Variants in HSPA4L observed in about 807,000 individuals in gnomAD.
HSPA4L encodes the protein heat shock 70 kDa protein 4L.
In HSPA4L, 48 loss-of-function variants were observed where a neutral mutation model predicts 100.3. That is an observed-to-expected ratio of 0.48 (90% CI 0.38 to 0.61). The LOEUF (loss-of-function observed/expected upper bound fraction) is 0.61. Ranked by LOEUF, HSPA4L falls within the 20% of genes least tolerant of loss-of-function variation. The pLI, the probability that HSPA4L is intolerant of heterozygous loss-of-function variation, is 0.00. For synonymous variants in HSPA4L, 319 were observed against 328.2 expected, an observed-to-expected ratio of 0.97 and a Z score of 0.30; for missense variants, 886 against 988.6, an observed-to-expected ratio of 0.90 and a Z score of 1.39.
rs1734126660 is a variant in HSPA4L at position 127,833,031 on chromosome 4, T to G, written c.*157T>G. The G allele has an allele frequency of 4.2e-6, 2 of 480,726 alleles. No homozygotes were observed. Among genetic ancestry groups the G allele is most frequent in the East Asian group, 6.4e-5 (2 of 31,044 alleles). The allele number at this position is 480,726 out of a possible 1,614,324, so 29.8% of individuals were successfully genotyped here. A position where few individuals can be genotyped will look rare whatever the true frequency, so the allele number is the denominator to read the frequency against. ...GAAAAGTGTTTTATATTGAGTGCAC[T>G]TCTGTTCATTTCCATTGCTGCTTAT... On this transcript the variant is annotated 3_prime_UTR_variant, in exon 19 of 19. Transcript: ENST00000296464.
rs762559566 is a variant in HSPA4L, at chr4:127,804,008, C to G, written c.909-3C>G. On this transcript the variant is annotated splice_region_variant and splice_polypyrimidine_tract_variant and intron_variant, in intron 7 of 18. Coordinates refer to ENST00000296464, the MANE Select transcript of HSPA4L (RefSeq NM_014278.4). ...TAATGAATTTTATTCTATTTTCTCA[C>G]AGGGCTCAATTTGAACAACTGTGTG... is the stretch of plus-strand genomic sequence containing the variant. The G allele has an allele frequency of 6.2e-7, 1 of 1,613,826 alleles. No individual in the cohort carries two copies. Among genetic ancestry groups the G allele is most frequent in the African/African-American group, 1.3e-5 (1 of 75,024 alleles).
intron 18 of HSPA4L, among the ~76,000 whole-genome samples, chr4:127,831,501 T>TA (rs770152039): frequency 0.058 from 5,953 of 103,326 alleles, 255 homozygotes; most frequent in African/African-American, 0.12. Context: ...CCTTGTCTAT[T>TA]AAAAAAAAAA....
In HSPA4L at chr4:127,820,527, C is replaced by T; in HGVS notation, c.1774C>T (p.Leu592=). ...LPIQSSLCRQ[L]GQDLLNSYIE... is the part of the protein sequence containing the mutation. ...GATCCAGAGTAGCCTATGTAGACAA[C>T]TAGGCCAAGATCTTCTCAACAGCTA... Residue 592 remains leucine (L), a synonymous_variant, in exon 14 of 19, where the codon CTA becomes TTA. Transcript: ENST00000296464. The T allele has an allele frequency of 1.2e-6, 2 of 1,600,906 alleles. No homozygotes were observed. The highest frequency in any genetic ancestry group is 1.7e-5 in the Admixed American group (1 of 57,596).
rs1056080918 is a variant in HSPA4L at position 127,838,513 on chromosome 4, T to C, written c.*5639T>C. On this transcript the variant is annotated 3_prime_UTR_variant, in exon 19 of 19. Transcript: ENST00000296464. Reference sequence around the variant, plus strand: ...ACAAATCCATAACAAAAAAAATTAATAGTATGCTCTTTGCTTTGGAATCTC... The same window carrying C: ...ACAAATCCATAACAAAAAAAATTAACAGTATGCTCTTTGCTTTGGAATCTC... 2.0e-5 allele frequency: 3 copies of C among 152,216 alleles called. No individual in the cohort carries two copies. The highest frequency in any genetic ancestry group is 1.3e-4 in the Admixed American group (2 of 15,284). The allele number at this position is 152,216 out of a possible 1,614,324, so 9.4% of individuals were successfully genotyped here.
intron 6 of HSPA4L, 117 bp from the exon 7 acceptor site, chr4:127,803,512 G>A: frequency 1.0e-6 from 1 of 993,232 alleles, no homozygotes. Context: ...CCTGTGATTG[G>A]ACAAGTTTTT....
intron 17 of HSPA4L, among the ~76,000 whole-genome samples, chr4:127,829,005 G>C (rs1333276423): frequency 6.6e-6 from 1 of 152,038 alleles, no homozygotes; most frequent in Non-Finnish European, 1.5e-5. Flanking sequence ...TGCTTCAATA[G>C]TGAAAGGTGG....
At chr4:127,793,890 T>C in intron 1 of HSPA4L, among the ~76,000 whole-genome samples, 187 bp from the exon 2 acceptor site, 1 of 151,420 alleles carries the variant, frequency 6.6e-6, no homozygotes, top group Non-Finnish European at 1.5e-5. Flanking sequence ...ATTGTAACAT[T>C]TATTCTGACC....
intron 1 of HSPA4L, among the ~76,000 whole-genome samples, chr4:127,791,880 G>T (rs1732886420): frequency 6.6e-6 from 1 of 152,012 alleles, no homozygotes; most frequent in African/African-American, 2.4e-5. Flanking sequence ...ACTTTCTTTT[G>T]TGTGAGTCTA....
intron 12 of HSPA4L, among the ~76,000 whole-genome samples, chr4:127,814,723 C>G (rs910382178): frequency 1.3e-5 from 2 of 152,076 alleles, no homozygotes; most frequent in Admixed American, 6.6e-5. Context: ...TACGCCACCA[C>G]GCCTGGCAGA....
chr4:127,801,375 G>C lies in HSPA4L; in HGVS notation c.529+138G>C, dbSNP rs1733172569. ...GCCTGGGAGTTGAAAGCTGCAGTGA[G>C]CTATGATCATACCACTGCACTTCAG... On this transcript the variant is annotated intron_variant, in intron 5 of 18. Transcript: ENST00000296464. 4 of 638,202 alleles carry C rather than the reference G, an allele frequency of 6.3e-6. No individual in the cohort carries two copies. The Admixed American group carries it at 1.2e-4, about 20-fold the overall frequency. 39.5% of individuals were successfully genotyped at this position (638,202 alleles called of 1,614,324 possible).
Position 127,830,807 on chromosome 4 carries a change from G to A in HSPA4L, c.2328+8G>A. ...ATAGTAGCAAAGTCAAAGGTAAGAA[G>A]TTTATGAAATTGCCTTTTTAATGGT... On this transcript the variant is annotated splice_region_variant and intron_variant, in intron 18 of 18. Transcript: ENST00000296464. 1 of 1,528,100 alleles carries A rather than the reference G, an allele frequency of 6.5e-7. No homozygotes were observed. Among genetic ancestry groups the A allele is most frequent in the South Asian group, 1.3e-5 (1 of 76,156 alleles). The allele number at this position is 1,528,100 out of a possible 1,614,324, so 94.7% of individuals were successfully genotyped here.
In HSPA4L at chr4:127,835,040, T is replaced by TAATTC; in HGVS notation, c.*2168_*2172dup. On this transcript the variant is annotated 3_prime_UTR_variant, in exon 19 of 19. Transcript: ENST00000296464. ...TAGCCTTATAATGTATTTATTTATT[T>TAATTC]AATTCATTAATGAAAGAGAGTGCTC... 1 of 152,316 alleles carries TAATTC rather than the reference T, an allele frequency of 6.6e-6. No individual in the cohort carries two copies. Among genetic ancestry groups the TAATTC allele is most frequent in the East Asian group, 1.9e-4 (1 of 5,188 alleles). 9.4% of individuals were successfully genotyped at this position (152,316 alleles called of 1,614,324 possible). A position where few individuals can be genotyped will look rare whatever the true frequency, so the allele number is the denominator to read the frequency against.
intron 9 of HSPA4L, 141 bp downstream of exon 9, chr4:127,805,365 TTA>T (rs1259405564): frequency 1.6e-6 from 1 of 637,004 alleles, no homozygotes; most frequent in African/African-American, 1.8e-5. Flanking sequence ...TAAATAAGTC[TTA>T]TGTCTTTCCC....
chr4:127,785,380 G>T (rs1578685022), intron 1 of HSPA4L, among the ~76,000 whole-genome samples: 1 of 152,054 alleles, frequency 6.6e-6, no homozygotes, highest in East Asian at 1.9e-4. Flanking sequence ...ATGGTTTTCT[G>T]TGTGTGTTTT....
Position 127,838,193 on chromosome 4 carries a change from A to G in HSPA4L, c.*5319A>G, listed in dbSNP as rs967501062. ...CATTACAATTTTTTTTCTAAATTCA[A>G]AGGTAATTATTCTAAACAATAAAAG... is the stretch of plus-strand genomic sequence containing the variant. On this transcript the variant is annotated 3_prime_UTR_variant, in exon 19 of 19. Coordinates refer to ENST00000296464, the MANE Select transcript of HSPA4L (RefSeq NM_014278.4). The G allele has an allele frequency of 6.6e-6, 1 of 152,200 alleles. No homozygotes were observed. Among genetic ancestry groups the G allele is most frequent in the Non-Finnish European group, 1.5e-5 (1 of 68,038 alleles). 9.4% of individuals were successfully genotyped at this position (152,200 alleles called of 1,614,324 possible). A position where few individuals can be genotyped will look rare whatever the true frequency, so the allele number is the denominator to read the frequency against.
chr4:127,796,753 G>A (rs575324316), intron 3 of HSPA4L, among the ~76,000 whole-genome samples: 3 of 152,262 alleles, frequency 2.0e-5, no homozygotes, highest in Non-Finnish European at 2.9e-5. Context: ...TATATAGAAT[G>A]TTCAGAGTAG....
At chr4:127,784,573 G>A (rs1334949206) in intron 1 of HSPA4L, among the ~76,000 whole-genome samples, 1 of 152,212 alleles carries the variant, frequency 6.6e-6, no homozygotes, top group East Asian at 1.9e-4. Context: ...AAAGTGAAAG[G>A]ATATTCTCAC....
intron 1 of HSPA4L, among the ~76,000 whole-genome samples, chr4:127,793,824 A>G (rs560043217): frequency 6.8e-4 from 103 of 152,292 alleles, no homozygotes; most frequent in Non-Finnish European, 1.3e-3. Context: ...GTGTAATTTG[A>G]AAAACAATTT....
intron 13 of HSPA4L, 86 bp from the exon 14 acceptor site, chr4:127,820,342 T>C: frequency 9.0e-7 from 1 of 1,108,794 alleles, no homozygotes; most frequent in Non-Finnish European, 1.3e-6. Context: ...CAGATCATAA[T>C]CGTTTTGATT....
Sources: allele counts gnomAD v4.1 joint callset (sites outside exome capture counted in the v4.1 genomes callset), GRCh38; gene constraint gnomAD v4.1.1; transcripts MANE v1.5; gene names NCBI Gene and HGNC (gene_info 2026-07-23, HGNC 2026-07-21).